The following NLGN1 variants were observed in gnomAD, a reference collection of about 807,000 sequenced individuals.
NLGN1 encodes the protein neuroligin 1.
In NLGN1, 12 loss-of-function variants were observed where a neutral mutation model predicts 65.5. The observed-to-expected ratio is 0.18, with a 90% CI of 0.12 to 0.30. NLGN1 has a LOEUF of 0.30. Among genes scored for constraint, NLGN1 ranks in the 10% least tolerant of loss-of-function variants. The pLI is 1.00. For synonymous variants in NLGN1, 350 were observed against 359.5 expected, an observed-to-expected ratio of 0.97 and a Z score of 0.30; for missense variants, 750 against 1,007.1, an observed-to-expected ratio of 0.74 and a Z score of 3.46.
intron 2 of NLGN1, among the ~76,000 whole-genome samples, chr3:173,559,064 G>A (rs1229503562): frequency 2.0e-5 from 3 of 152,030 alleles, no homozygotes; most frequent in Non-Finnish European, 4.4e-5. Flanking sequence ...CATCAGTATT[G>A]CCTCTACCTT....
In NLGN1 at chr3:173,604,497, A is replaced by G; in HGVS notation, c.-102A>G. The G allele has an allele frequency of 7.7e-7, 1 of 1,290,450 alleles. No homozygotes were observed. The highest frequency in any genetic ancestry group is 1.1e-6 in the Non-Finnish European group (1 of 928,926). 79.9% of individuals were successfully genotyped at this position (1,290,450 alleles called of 1,614,324 possible). A position where few individuals can be genotyped will look rare whatever the true frequency, so the allele number is the denominator to read the frequency against. On this transcript the variant is annotated 5_prime_UTR_variant, in exon 3 of 7. The change abolishes the stop of an existing upstream ORF in the 5' untranslated region. Transcript: ENST00000457714. ...AGCTTTTCTCGACAAGCTCCCCTGT[A>G]AGAAATCGGAGGTATATTCTACCAT...
chr3:174,048,204 A>G (rs1734043698), intron 4 of NLGN1, among the ~76,000 whole-genome samples: 1 of 152,116 alleles, frequency 6.6e-6, no homozygotes, highest in South Asian at 2.1e-4. Flanking sequence ...TTTTGATGAC[A>G]TCCTTCCAGA....
chr3:174,278,250 A>T (rs1577778841), intron 5 of NLGN1, among the ~76,000 whole-genome samples: 1 of 152,012 alleles, frequency 6.6e-6, no homozygotes, highest in South Asian at 2.1e-4. Flanking sequence ...TATTCAGAAT[A>T]CTATGTCTGA....
intron 3 of NLGN1, among the ~76,000 whole-genome samples, chr3:173,653,626 A>G (rs1210262642): frequency 6.6e-6 from 1 of 152,186 alleles, no homozygotes; most frequent in Non-Finnish European, 1.5e-5. Context: ...CAATTTATAT[A>G]TTGATATAGT....
chr3:173,491,884 T>A (rs1729227446), intron 2 of NLGN1, among the ~76,000 whole-genome samples: 1 of 151,754 alleles, frequency 6.6e-6, no homozygotes, highest in African/African-American at 2.4e-5. Context: ...ACCCCTGAAC[T>A]ATGCCATTAA....
chr3:173,468,295 C>G (rs1163205569), intron 2 of NLGN1, among the ~76,000 whole-genome samples: 1 of 152,086 alleles, frequency 6.6e-6, no homozygotes. Flanking sequence ...TATATTCTCT[C>G]AGTGAATCTC....
chr3:173,761,246 C>T (rs1239638838), intron 3 of NLGN1, among the ~76,000 whole-genome samples: 2 of 152,004 alleles, frequency 1.3e-5, no homozygotes, highest in African/African-American at 4.8e-5. Context: ...TCAGAAACAA[C>T]CTAATTTGCT....
intron 2 of NLGN1, among the ~76,000 whole-genome samples, chr3:173,545,038 T>TTGTG (rs773040010): frequency 6.6e-6 from 1 of 150,432 alleles, no homozygotes; most frequent in Admixed American, 6.7e-5. Flanking sequence ...CTGCAAAGTT[T>TTGTG]TGTGTGTGTG....
At chr3:174,066,556 C>CTGTGTGTGTG (rs1176839455) in intron 4 of NLGN1, among the ~76,000 whole-genome samples, 175 of 133,880 alleles carry the variant, frequency 1.3e-3, no homozygotes, top group African/African-American at 5.0e-3. Context: ...CTCTCTCTCT[C>CTGTGTGTGTG]TCTCTCTCTG....
chr3:173,745,954 G>A (rs1319134265), intron 3 of NLGN1, among the ~76,000 whole-genome samples: 1 of 152,092 alleles, frequency 6.6e-6, no homozygotes, highest in Non-Finnish European at 1.5e-5. Context: ...TAACTGGTTT[G>A]CAATCAGGAC....
chr3:173,815,817 T>C (rs1718924125), intron 4 of NLGN1, among the ~76,000 whole-genome samples: 1 of 152,136 alleles, frequency 6.6e-6, no homozygotes, highest in Admixed American at 6.5e-5. Context: ...TATACTTCTG[T>C]GTACCAACCC....
intron 3 of NLGN1, among the ~76,000 whole-genome samples, chr3:173,659,916 C>A (rs573637596): frequency 3.3e-5 from 5 of 151,854 alleles, no homozygotes; most frequent in Non-Finnish European, 7.4e-5. Context: ...ACCTTAATAA[C>A]CATCTTGCAG....
chr3:173,698,852 T>G (rs1480421514), intron 3 of NLGN1, among the ~76,000 whole-genome samples: 8 of 151,220 alleles, frequency 5.3e-5, no homozygotes, highest in Non-Finnish European at 1.2e-4. Flanking sequence ...AGGAATTTTT[T>G]TTGTTGTTTG....
At chr3:174,080,566 C>T (rs1360948536) in intron 4 of NLGN1, among the ~76,000 whole-genome samples, 1 of 152,118 alleles carries the variant, frequency 6.6e-6, no homozygotes, top group African/African-American at 2.4e-5. Flanking sequence ...AGTGGGCTGT[C>T]TGCAAGTTCA....
chr3:173,806,030 A>G lies in NLGN1; in HGVS notation c.494-1650A>G, dbSNP rs1160490508. Among the ~76,000 whole-genome samples the G allele has an allele frequency of 2.6e-5, 4 of 152,170 alleles. No homozygotes were observed. The South Asian group carries it at 6.2e-4, about 24-fold the overall frequency. ...TAGTGAATGGTTCCTATGTCAAAGT[A>G]TCCTTCCCTCACTACTTAAAAACAA... On this transcript the variant is annotated intron_variant, in intron 3 of 6. Coordinates refer to ENST00000457714, the Ensembl canonical transcript of NLGN1.
At chr3:174,034,299 G>A (rs908473241) in intron 4 of NLGN1, among the ~76,000 whole-genome samples, 20 of 150,922 alleles carry the variant, frequency 1.3e-4, no homozygotes, top group Non-Finnish European at 3.0e-4. Flanking sequence ...GCAGACATAA[G>A]AATGTTACAT....
intron 4 of NLGN1, among the ~76,000 whole-genome samples, chr3:174,045,140 A>C (rs773345191): frequency 5.3e-5 from 8 of 152,144 alleles, no homozygotes; most frequent in Non-Finnish European, 7.3e-5. Flanking sequence ...TCCTTACAGC[A>C]ATGCCCCACT....
intron 4 of NLGN1, among the ~76,000 whole-genome samples, chr3:173,829,868 TA>T (rs1722149584): frequency 6.6e-6 from 1 of 152,150 alleles, no homozygotes; most frequent in South Asian, 2.1e-4. Context: ...TAGCCATGTC[TA>T]AAAGGTTTTG....
chr3:173,492,700 A>G (rs1729381201), intron 2 of NLGN1, among the ~76,000 whole-genome samples: 1 of 151,900 alleles, frequency 6.6e-6, no homozygotes, highest in Admixed American at 6.6e-5. Flanking sequence ...ATCAGAATCC[A>G]TTGCAAAAAC....
Sources: gnomAD v4.1 joint callset for allele counts (sites outside exome capture counted in the v4.1 genomes callset) on GRCh38, gnomAD v4.1.1 for gene constraint, MANE v1.5 for transcripts, NCBI Gene and HGNC (gene_info 2026-07-23, HGNC 2026-07-21) for gene names.